The following RARB variants were observed in gnomAD, a reference collection of about 807,000 sequenced individuals.
The protein encoded by RARB is retinoic acid receptor beta.
Under a neutral mutation model 51.9 loss-of-function variants are expected in RARB, and 17 were observed. The observed-to-expected ratio is 0.33, with a 90% confidence interval of 0.22 to 0.49. The LOEUF is 0.49. RARB is among the 20% of genes least tolerant of loss of function. The probability of loss-of-function intolerance (pLI) is 0.99; values close to 1 mark genes in which losing one functional copy is unlikely to be tolerated. For missense variants in RARB, 369 were observed against 550.8 expected, an observed-to-expected ratio of 0.67 and a Z score of 3.30; for synonymous variants, 215 against 195.4, an observed-to-expected ratio of 1.10 and a Z score of -0.84.
intron 3 of RARB, among the ~76,000 whole-genome samples, chr3:25,531,503 C>A (rs567744994): frequency 6.6e-6 from 1 of 152,074 alleles, no homozygotes; most frequent in African/African-American, 2.4e-5. Context: ...TTATTAAAGT[C>A]TTCTGGTAGT....
chr3:25,571,746 A>G (rs1700720702), intron 4 of RARB, among the ~76,000 whole-genome samples: 2 of 152,218 alleles, frequency 1.3e-5, no homozygotes, highest in South Asian at 2.1e-4. Flanking sequence ...TCTCAGCCTC[A>G]GTTTTCCCAT....
intron 2 of RARB, among the ~76,000 whole-genome samples, chr3:24,956,658 G>A (rs1014803190): frequency 5.9e-5 from 9 of 152,064 alleles, no homozygotes; most frequent in Non-Finnish European, 4.4e-5. Context: ...GACTAAACAG[G>A]GTCACATGTA....
intron 3 of RARB, among the ~76,000 whole-genome samples, chr3:25,092,783 G>A (rs986011946): frequency 6.6e-6 from 1 of 152,120 alleles, no homozygotes. Flanking sequence ...TGGATTCCCA[G>A]ATAATGTCAC....
At position 25,569,804 on chromosome 3, in the gene RARB, A is replaced by G. The variant is rs769232649; in HGVS notation, c.495A>G (p.Gln165=). The change falls in exon 4 of 8, where the codon CAA becomes CAG. Residue 165 remains glutamine (Q), a synonymous_variant. Transcript: ENST00000330688. ...AGAAAAAGAAGGAGACTTCGAAGCA[A>G]GAATGCACAGAGAGCTATGAAATGA... is the stretch of plus-strand genomic sequence containing the variant. The part of the protein sequence containing the change: ...RNKKKKETSK[Q]ECTESYEMTA... 12 of 1,614,096 alleles carry G rather than the reference A, an allele frequency of 7.4e-6. No homozygotes were observed. The African/African-American group carries it at 1.3e-4, about 18-fold the overall frequency.
intron 4 of RARB, among the ~76,000 whole-genome samples, chr3:25,167,213 C>T (rs1366511809): frequency 6.6e-6 from 1 of 152,144 alleles, no homozygotes; most frequent in African/African-American, 2.4e-5. Flanking sequence ...ACTTATTTGA[C>T]CACAGAGCTC....
chr3:24,929,157 G>A (rs1267715231), intron 2 of RARB, among the ~76,000 whole-genome samples: 1 of 151,924 alleles, frequency 6.6e-6, no homozygotes, highest in Non-Finnish European at 1.5e-5. Context: ...TATTTAATTA[G>A]TAAACAAATG....
chr3:25,324,683 G>T, intron 5 of RARB: 1 of 160,156 alleles, frequency 6.2e-6, no homozygotes, highest in South Asian at 1.9e-4. Context: ...TGGAACATCT[G>T]GAAGCCCCAG....
chr3:25,172,835 A>G (rs1366770681), intron 4 of RARB, among the ~76,000 whole-genome samples: 1 of 152,154 alleles, frequency 6.6e-6, no homozygotes, highest in South Asian at 2.1e-4. Flanking sequence ...TCTCTGTTGT[A>G]TTACTTCATT....
At chr3:25,301,746 G>A (rs776882845) in intron 5 of RARB, among the ~76,000 whole-genome samples, 5 of 152,116 alleles carry the variant, frequency 3.3e-5, no homozygotes, top group African/African-American at 7.2e-5. Context: ...AGGCTCTTGC[G>A]GTGGCAGTTT....
chr3:25,321,416 A>T (rs1704565414), intron 5 of RARB, among the ~76,000 whole-genome samples: 1 of 152,072 alleles, frequency 6.6e-6, no homozygotes, highest in African/African-American at 2.4e-5. Context: ...TAAAAATAAC[A>T]TTTTTAAATT....
At chr3:25,346,653 G>T (rs1398774096) in intron 5 of RARB, among the ~76,000 whole-genome samples, 1 of 152,168 alleles carries the variant, frequency 6.6e-6, no homozygotes, top group African/African-American at 2.4e-5. Context: ...AATTAATCAG[G>T]AAGCTCGAAG....
intron 2 of RARB, among the ~76,000 whole-genome samples, chr3:25,047,946 C>T (rs900969552): frequency 4.6e-5 from 7 of 152,176 alleles, no homozygotes; most frequent in African/African-American, 1.7e-4. Flanking sequence ...TTCTCCTACA[C>T]AGTTCTCATG....
intron 3 of RARB, among the ~76,000 whole-genome samples, chr3:25,069,989 C>G (rs6791615): frequency 0.063 from 9,522 of 152,184 alleles, 484 homozygotes; most frequent in East Asian, 0.17. Flanking sequence ...CTGGACAGTT[C>G]TGGAGGCTTA....
At chr3:25,026,892 C>T (rs1355502958) in intron 2 of RARB, among the ~76,000 whole-genome samples, 2 of 152,164 alleles carry the variant, frequency 1.3e-5, no homozygotes, top group South Asian at 2.1e-4. Context: ...CAAAAATAGT[C>T]TCAAGGGCAT....
chr3:25,018,663 G>C (rs1171074000), intron 2 of RARB, among the ~76,000 whole-genome samples: 5 of 152,130 alleles, frequency 3.3e-5, no homozygotes, highest in African/African-American at 1.2e-4. Flanking sequence ...CATGTAGTTA[G>C]AAAAGTCATT....
intron 5 of RARB, among the ~76,000 whole-genome samples, chr3:25,360,466 C>G (rs2200244): frequency 0.25 from 38,501 of 152,052 alleles, 5,167 homozygotes; most frequent in Admixed American, 0.36. Context: ...GGCATTTAGC[C>G]AATTTACATT....
chr3:25,394,747 T>C (rs1170375587), intron 5 of RARB, among the ~76,000 whole-genome samples: 1 of 152,196 alleles, frequency 6.6e-6, no homozygotes, highest in African/African-American at 2.4e-5. Context: ...TCCATTTGCC[T>C]GGAATATCTT....
chr3:25,075,268 TC>T (rs1273014879), intron 3 of RARB, among the ~76,000 whole-genome samples: 23 of 152,302 alleles, frequency 1.5e-4, no homozygotes, highest in African/African-American at 5.3e-4. Flanking sequence ...CAGATCCAGC[TC>T]TGCTTCCCTA....
At chr3:24,963,807 C>A (rs1696195451) in intron 2 of RARB, among the ~76,000 whole-genome samples, 1 of 151,904 alleles carries the variant, frequency 6.6e-6, no homozygotes. Context: ...TCTTCTTTTC[C>A]AAAATCAACT....
Sources: gnomAD v4.1 joint callset for allele counts (sites outside exome capture counted in the v4.1 genomes callset) on GRCh38, gnomAD v4.1.1 for gene constraint, MANE v1.5 for transcripts, NCBI Gene and HGNC (gene_info 2026-07-23, HGNC 2026-07-21) for gene names.